The following RABGAP1 variants were observed in gnomAD, a reference collection of about 807,000 sequenced individuals.
RABGAP1 encodes the protein rab GTPase-activating protein 1.
A neutral mutation model predicts 137.6 loss-of-function variants in RABGAP1; 23 were observed. That is an observed-to-expected ratio of 0.17 (90% CI 0.12 to 0.24). The LOEUF is 0.24. Ranked by LOEUF, RABGAP1 falls within the 10% of genes least tolerant of loss-of-function variation. The pLI, the probability that RABGAP1 is intolerant of heterozygous loss-of-function variation, is 1.00. For missense variants in RABGAP1, 906 were observed against 1,275.8 expected (o/e 0.71, Z 4.42); for synonymous variants, 451 against 450.7 (o/e 1.00, Z -0.01).
chr9:122,962,874 A>G (rs958780484), intron 2 of RABGAP1, among the ~76,000 whole-genome samples: 3 of 152,220 alleles, frequency 2.0e-5, no homozygotes, highest in Non-Finnish European at 4.4e-5. Context: ...TAGATTTAAA[A>G]TAAAAGGATG....
intron 4 of RABGAP1, among the ~76,000 whole-genome samples, chr9:122,987,092 A>G (rs1836410960): frequency 6.6e-6 from 1 of 152,160 alleles, no homozygotes; most frequent in Non-Finnish European, 1.5e-5. Flanking sequence ...AGCTGTGATC[A>G]TGCCACTTCA....
At chr9:123,055,352 TA>T (rs1440320428) in intron 13 of RABGAP1, among the ~76,000 whole-genome samples, 1 of 152,040 alleles carries the variant, frequency 6.6e-6, no homozygotes, top group Non-Finnish European at 1.5e-5. Context: ...CATGCCTAGT[TA>T]ATTTTTTTGT....
chr9:122,980,855 T>G (rs1207822362), intron 2 of RABGAP1, among the ~76,000 whole-genome samples: 2 of 152,118 alleles, frequency 1.3e-5, no homozygotes, highest in Admixed American at 6.5e-5. Flanking sequence ...GTACAGAGGT[T>G]TTTCTTGGGT....
chr9:123,099,390 C>G, intron 23 of RABGAP1, 88 bp from the exon 24 acceptor site: 2 of 1,255,554 alleles, frequency 1.6e-6, no homozygotes, highest in Non-Finnish European at 1.2e-6. Flanking sequence ...ATGTTAATTC[C>G]AATTTACATA....
At chr9:122,983,417 C>T (rs1454195516) in intron 2 of RABGAP1, among the ~76,000 whole-genome samples, 2 of 152,022 alleles carry the variant, frequency 1.3e-5, no homozygotes, top group South Asian at 2.1e-4. Flanking sequence ...GGAAAATGTC[C>T]GCAAAAAAGA....
At chr9:122,955,364 A>G (rs182399809) in intron 1 of RABGAP1, among the ~76,000 whole-genome samples, 25 of 152,326 alleles carry the variant, frequency 1.6e-4, no homozygotes, top group Admixed American at 9.8e-4. Context: ...TTATCTACTC[A>G]ATAAGTATTC....
rs531186626 is a variant in RABGAP1 at position 122,991,169 on chromosome 9, C to T, written c.923+956C>T. Among the ~76,000 whole-genome samples the T allele has an allele frequency of 2.0e-5, 3 of 152,030 alleles. No individual in the cohort carries two copies. The East Asian group carries it at 5.8e-4, about 29-fold the overall frequency. ...TAACAGTGTCCCCATTTCCAAGTTT[C>T]TTTACATCTGTCAGTAGTTTCCTCA... On this transcript the variant is annotated intron_variant, in intron 6 of 25. Transcript: ENST00000373647.
At chr9:123,073,770 G>T in intron 16 of RABGAP1, 93 bp downstream of exon 16, 1 of 1,518,376 alleles carries the variant, frequency 6.6e-7, no homozygotes. Context: ...ATTGGTAATT[G>T]CCTTAGCGAT....
At chr9:122,938,718 CGTT>C (rs746524657), upstream of RABGAP1, 1 of 152,078 alleles carries the variant, frequency 6.6e-6, no homozygotes, top group East Asian at 1.9e-4. Flanking sequence ...AGATTCATAA[CGTT>C]GTATGTAATA....
At chr9:122,937,754 G>A (rs550453443), upstream of RABGAP1, 5 of 152,028 alleles carry the variant, frequency 3.3e-5, no homozygotes, top group South Asian at 1.0e-3. Flanking sequence ...AGCACTTTGG[G>A]AGGCCAAGGC....
In RABGAP1 at chr9:122,962,961, A is replaced by G. The variant is rs527966970; in HGVS notation, c.150+5752A>G. ...TTTTAGACAAAATAGACTTTAAAAC[A>G]AAAAACTTTACTAGAGGTAATATAT... is the stretch of plus-strand genomic sequence containing the variant. On this transcript the variant is annotated intron_variant, in intron 2 of 25. Coordinates refer to ENST00000373647, the MANE Select transcript of RABGAP1 (RefSeq NM_012197.4). Among the ~76,000 whole-genome samples the G allele has an allele frequency of 2.0e-5, 3 of 152,364 alleles. No individual in the cohort carries two copies. In the East Asian group the frequency reaches 5.8e-4, roughly 29 times the overall value.
At chr9:122,998,509 A>G in intron 9 of RABGAP1, 88 bp from the exon 10 acceptor site, 1 of 1,137,808 alleles carries the variant, frequency 8.8e-7, no homozygotes. Context: ...AAAGTTTATA[A>G]TAAAAGTAAT....
chr9:122,950,377 C>CTTTCT (rs1834167534), intron 1 of RABGAP1, among the ~76,000 whole-genome samples: 8 of 74,486 alleles, frequency 1.1e-4, no homozygotes, highest in South Asian at 6.3e-4. Flanking sequence ...CTTTTTCTTT[C>CTTTCT]TTTTTTTTTT....
At chr9:123,076,610 A>C (rs200421727) in intron 18 of RABGAP1, 24 bp from the exon 19 acceptor site, 3 of 1,578,462 alleles carry the variant, frequency 1.9e-6, no homozygotes, top group Admixed American at 3.9e-5. Flanking sequence ...CATTTTTTCT[A>C]TATGTGTTTG....
intron 1 of RABGAP1, among the ~76,000 whole-genome samples, chr9:122,941,348 C>G (rs144645300): frequency 6.6e-6 from 1 of 152,358 alleles, no homozygotes; most frequent in East Asian, 1.9e-4. Flanking sequence ...AACCGGTTCC[C>G]CCTGTCTGTG....
intron 4 of RABGAP1, among the ~76,000 whole-genome samples, chr9:122,988,895 A>G (rs1387528988): frequency 6.7e-6 from 1 of 149,140 alleles, no homozygotes; most frequent in Non-Finnish European, 1.5e-5. Context: ...GTGAGCTGAG[A>G]TTGCGCCATT....
In RABGAP1 at chr9:122,959,058, TA is replaced by T. The variant is rs564445807; in HGVS notation, c.150+1855del. Among the ~76,000 whole-genome samples the T allele has an allele frequency of 1.6e-4, 24 of 152,002 alleles. No individual in the cohort carries two copies. In the South Asian group the frequency reaches 5.0e-3, roughly 32 times the overall value. On this transcript the variant is annotated intron_variant, in intron 2 of 25. Coordinates refer to ENST00000373647, the MANE Select transcript of RABGAP1 (RefSeq NM_012197.4). The stretch of plus-strand genomic sequence containing the variant: ...ACTCATAAATATATAGAGGAATAAA[TA>T]AAAAACAGTAAAACTTAAAAAAATT...
rs561935824 is a variant in RABGAP1, at chr9:123,076,217, A to G, written c.2254-28A>G. ...TAATAGTCGAGATATAAAAACTGAC[A>G]GTGTTCTTTTTGTCTGTTCTCTTTC... On this transcript the variant is annotated intron_variant, in intron 17 of 25. Coordinates refer to ENST00000373647, the MANE Select transcript of RABGAP1 (RefSeq NM_012197.4). 3.9e-4 allele frequency: 626 copies of G among 1,603,068 alleles called. 8 individuals carry two copies. The South Asian group carries it at 6.5e-3, about 17-fold the overall frequency.
At chr9:122,993,746 C>A (rs901750251) in intron 6 of RABGAP1, among the ~76,000 whole-genome samples, 1 of 152,234 alleles carries the variant, frequency 6.6e-6, no homozygotes, top group Admixed American at 6.5e-5. Context: ...TCACTGCAAC[C>A]TCTGCCTCCC....
Sources: allele counts gnomAD v4.1 joint callset (sites outside exome capture counted in the v4.1 genomes callset), GRCh38; gene constraint gnomAD v4.1.1; transcripts MANE v1.5; gene names NCBI Gene and HGNC (gene_info 2026-07-23, HGNC 2026-07-21).